Variants in STXBP5 observed in about 807,000 individuals in gnomAD.
The protein encoded by STXBP5 is syntaxin binding protein 5.
STXBP5 carries 50 observed loss-of-function variants against 152.4 expected under a neutral mutation model. That is an observed-to-expected ratio of 0.33 (90% confidence interval 0.26 to 0.42). The LOEUF (loss-of-function observed/expected upper bound fraction) is 0.42, where lower values mean the gene tolerates loss of function less well. Ranked by LOEUF, STXBP5 falls within the 10% of genes least tolerant of loss-of-function variation. STXBP5 has a pLI of 1.00. For missense variants in STXBP5, 1,167 were observed against 1,388.6 expected (o/e 0.84, Z 2.54); for synonymous variants, 492 against 494.7 (o/e 0.99, Z 0.07).
In STXBP5 at chr6:147,367,548, G is replaced by A. The variant is rs540497670; in HGVS notation, c.3081+3382G>A. On this transcript the variant is annotated intron_variant, in intron 25 of 27. Transcript: ENST00000321680. ...AGCTACTTGGGAGGCTCAGGCAGGA[G>A]AATCGCTTGAACCCGGGAGGCGGAG... 7.3e-3 allele frequency among the ~76,000 whole-genome samples: 1,104 copies of A among 152,254 alleles called. 14 individuals carry two copies. Among genetic ancestry groups the A allele is most frequent in the African/African-American group, 0.025 (1,059 of 41,548 alleles).
intron 7 of STXBP5, among the ~76,000 whole-genome samples, chr6:147,272,844 C>T (rs116750484): frequency 0.014 from 2,092 of 151,936 alleles, 53 homozygotes; most frequent in African/African-American, 0.048. Context: ...ATCTTTGCAC[C>T]CTTGAGCTTT....
intron 4 of STXBP5, among the ~76,000 whole-genome samples, chr6:147,245,978 T>C (rs576456034): frequency 6.6e-5 from 10 of 152,296 alleles, no homozygotes; most frequent in African/African-American, 2.4e-4. Flanking sequence ...CCTGTTGTTT[T>C]AAGCCACCCA....
At chr6:147,209,410 C>G (rs963095896) in intron 2 of STXBP5, among the ~76,000 whole-genome samples, 5 of 152,044 alleles carry the variant, frequency 3.3e-5, no homozygotes, top group Non-Finnish European at 7.4e-5. Flanking sequence ...ATTTAACAAG[C>G]ACTTGAGTGT....
chr6:147,347,779 A>G (rs2128403121), intron 21 of STXBP5, among the ~76,000 whole-genome samples: 1 of 152,318 alleles, frequency 6.6e-6, no homozygotes, highest in Non-Finnish European at 1.5e-5. Context: ...TTTGAAATAT[A>G]GTAGTTCCTT....
chr6:147,268,714 A>C (rs1780011206), intron 7 of STXBP5, among the ~76,000 whole-genome samples: 1 of 152,248 alleles, frequency 6.6e-6, no homozygotes, highest in Admixed American at 6.5e-5. Context: ...TATTTTAAAT[A>C]GTGATCTAGG....
intron 21 of STXBP5, among the ~76,000 whole-genome samples, chr6:147,344,012 T>G (rs1487522741): frequency 1.3e-5 from 2 of 152,200 alleles, no homozygotes; most frequent in Non-Finnish European, 2.9e-5. Context: ...TTTCTTGCCC[T>G]TAATTGGTCA....
chr6:147,273,587 CA>C (rs1780286884), intron 7 of STXBP5, among the ~76,000 whole-genome samples: 1 of 152,010 alleles, frequency 6.6e-6, no homozygotes, highest in Admixed American at 6.6e-5. Flanking sequence ...TAAAATATGA[CA>C]AAACAATAAT....
At chr6:147,225,247 A>G (rs1777650979) in intron 2 of STXBP5, among the ~76,000 whole-genome samples, 1 of 152,164 alleles carries the variant, frequency 6.6e-6, no homozygotes, top group South Asian at 2.1e-4. Context: ...AGAATATTAT[A>G]TAATTAAACA....
At chr6:147,261,194 TAATA>T (rs1250431423) in intron 5 of STXBP5, among the ~76,000 whole-genome samples, 2 of 152,124 alleles carry the variant, frequency 1.3e-5, no homozygotes, top group Non-Finnish European at 2.9e-5. Context: ...TTGCTAAAGT[TAATA>T]TATTATCAAA....
intron 7 of STXBP5, among the ~76,000 whole-genome samples, chr6:147,275,231 C>T (rs891387960): frequency 3.3e-5 from 5 of 152,082 alleles, no homozygotes; most frequent in Admixed American, 2.6e-4. Flanking sequence ...AATGAAAATA[C>T]TGATGTCAGA....
rs1786394153 is a variant in STXBP5 at position 147,387,431 on chromosome 6, C to T, written c.*2676C>T. ...TTGACTCTAAAATCACTGAAGTATTCATGATTAGTAGTTTGTAAGTAGGAA... is the reference window on the plus strand; with the variant it reads ...TTGACTCTAAAATCACTGAAGTATTTATGATTAGTAGTTTGTAAGTAGGAA... On this transcript the variant is annotated 3_prime_UTR_variant, in exon 28 of 28. Coordinates refer to ENST00000321680, the MANE Select transcript of STXBP5 (RefSeq NM_001127715.4). 1 of 151,630 alleles carries T rather than the reference C, an allele frequency of 6.6e-6. No individual in the cohort carries two copies. The highest frequency in any genetic ancestry group is 1.5e-5 in the Non-Finnish European group (1 of 67,702). The allele number at this position is 151,630 out of a possible 1,614,324, so 9.4% of individuals were successfully genotyped here. A position where few individuals can be genotyped will look rare whatever the true frequency, so the allele number is the denominator to read the frequency against.
At chr6:147,360,487 T>A (rs969224546) in intron 23 of STXBP5, among the ~76,000 whole-genome samples, 1 of 152,218 alleles carries the variant, frequency 6.6e-6, no homozygotes, top group African/African-American at 2.4e-5. Flanking sequence ...GCCATTTTTT[T>A]TTAAACTTTG....
At chr6:147,305,860 T>C (rs1029456087) in intron 9 of STXBP5, among the ~76,000 whole-genome samples, 1 of 152,182 alleles carries the variant, frequency 6.6e-6, no homozygotes, top group African/African-American at 2.4e-5. Context: ...CATATAGTTA[T>C]TAAGTGTTCC....
chr6:147,297,352 A>G (rs566099046), intron 9 of STXBP5, among the ~76,000 whole-genome samples: 1 of 152,298 alleles, frequency 6.6e-6, no homozygotes, highest in Non-Finnish European at 1.5e-5. Context: ...GTACCCAGCA[A>G]AGCTATCCTT....
Position 147,389,696 on chromosome 6 carries a change from T to C in STXBP5, c.*4941T>C, listed in dbSNP as rs754747051. 2.6e-5 allele frequency: 4 copies of C among 151,964 alleles called. No individual in the cohort carries two copies. The highest frequency in any genetic ancestry group is 4.4e-5 in the Non-Finnish European group (3 of 67,878). 9.4% of individuals were successfully genotyped at this position (151,964 alleles called of 1,614,324 possible). On this transcript the variant is annotated 3_prime_UTR_variant, in exon 28 of 28. Coordinates refer to ENST00000321680, the MANE Select transcript of STXBP5 (RefSeq NM_001127715.4). ...TGGTAGTTGGTTTTGTTTGTTTTTG[T>C]TTATTTACTTTTGCTATTTGTTTTG...
chr6:147,251,641 A>G (rs954457960), intron 4 of STXBP5, among the ~76,000 whole-genome samples: 5 of 152,196 alleles, frequency 3.3e-5, no homozygotes, highest in South Asian at 2.1e-4. Flanking sequence ...GCACTTGGAG[A>G]AAGGGGCAGC....
At chr6:147,251,170 C>T (rs959547141) in intron 4 of STXBP5, among the ~76,000 whole-genome samples, 4 of 152,002 alleles carry the variant, frequency 2.6e-5, no homozygotes, top group East Asian at 1.9e-4. Flanking sequence ...TTGCCTCACC[C>T]GGAAGCGGAA....
chr6:147,309,432 G>C (rs893460323), intron 9 of STXBP5, among the ~76,000 whole-genome samples: 2 of 152,052 alleles, frequency 1.3e-5, no homozygotes, highest in African/African-American at 2.4e-5. Flanking sequence ...TTTTGAAAAT[G>C]AGTCTAGATA....
At chr6:147,219,457 G>A (rs78890500) in intron 2 of STXBP5, among the ~76,000 whole-genome samples, 3,168 of 152,124 alleles carry the variant, frequency 0.021, 75 homozygotes, top group African/African-American at 0.055. Flanking sequence ...TATTTCCTCT[G>A]CCTTTATCTT....
Sources: gnomAD v4.1 joint callset for allele counts (sites outside exome capture counted in the v4.1 genomes callset) on GRCh38, gnomAD v4.1.1 for gene constraint, MANE v1.5 for transcripts, NCBI Gene and HGNC (gene_info 2026-07-23, HGNC 2026-07-21) for gene names.